The following VAV3 variants were observed in gnomAD, a reference collection of about 807,000 sequenced individuals.
VAV3 encodes the protein guanine nucleotide exchange factor VAV3.
In VAV3, 94 loss-of-function variants were observed where a neutral mutation model predicts 131.2. The observed-to-expected ratio is 0.72, with a 90% CI of 0.61 to 0.85. The LOEUF (loss-of-function observed/expected upper bound fraction) is 0.85, where lower values mean the gene tolerates loss of function less well. VAV3 is among the 40% of genes least tolerant of loss of function. The pLI, the probability that VAV3 is intolerant of heterozygous loss-of-function variation, is 0.00. For missense variants in VAV3, 939 were observed against 1,002.7 expected (o/e 0.94, Z 0.86); for synonymous variants, 349 against 342.0 (o/e 1.02, Z -0.22).
chr1:107,889,654 C>T (rs1671221699), intron 1 of VAV3, among the ~76,000 whole-genome samples: 1 of 152,194 alleles, frequency 6.6e-6, no homozygotes, highest in Non-Finnish European at 1.5e-5. Flanking sequence ...CCACATCTGC[C>T]TTACAAGAGT....
Position 107,749,481 on chromosome 1 carries a change from G to T in VAV3, c.1373C>A (p.Thr458Asn), listed in dbSNP as rs779951393. The T allele has an allele frequency of 6.2e-7, 1 of 1,601,376 alleles. No homozygotes were observed. Among genetic ancestry groups the T allele is most frequent in the African/African-American group, 1.3e-5 (1 of 74,086 alleles). The part of the protein sequence containing the change: ...QQYKIANNPT[T>N]DKENKKWSYG... ...AGTCACCTTTTTGTTTTCTTTATCG[G>T]TTGTAGGATTATTGGCTATCTTGTA... The change falls in exon 14 of 27, where the codon ACC (threonine) becomes AAC (asparagine). Residue 458 changes from threonine to asparagine, a missense_variant. Thr to Asn is a moderately conservative substitution (Grantham distance 65). Transcript: ENST00000370056.
At chr1:107,687,492 T>A (rs1171082304) in intron 18 of VAV3, among the ~76,000 whole-genome samples, 7 of 152,200 alleles carry the variant, frequency 4.6e-5, no homozygotes, top group Non-Finnish European at 1.5e-5. Context: ...TTGGTTCATA[T>A]AACTAATCAC....
chr1:107,772,634 G>C (rs7416884), intron 5 of VAV3, 101 bp downstream of exon 5: 317,613 of 982,938 alleles, frequency 0.32, 55,513 homozygotes, highest in Non-Finnish European at 0.36. Context: ...AGCAAGCAAA[G>C]GTTAAAAAAA....
chr1:107,625,727 T>C (rs1653968228), intron 20 of VAV3, among the ~76,000 whole-genome samples: 1 of 152,222 alleles, frequency 6.6e-6, no homozygotes, highest in Non-Finnish European at 1.5e-5. Context: ...ATTCAAATTA[T>C]CATGAATAAT....
At chr1:107,779,632 G>T in intron 2 of VAV3, 140 bp from the exon 3 acceptor site, 1 of 467,454 alleles carries the variant, frequency 2.1e-6, no homozygotes, top group Non-Finnish European at 3.6e-6. Flanking sequence ...AGAATGAGAA[G>T]GGCTGTGATT....
At chr1:107,954,769 G>C (rs1005875965) in intron 1 of VAV3, among the ~76,000 whole-genome samples, 3 of 149,964 alleles carry the variant, frequency 2.0e-5, no homozygotes, top group African/African-American at 5.0e-5. Flanking sequence ...TACCATGGGA[G>C]GGGGGGAAAT....
At chr1:107,893,867 T>C (rs981798727) in intron 1 of VAV3, among the ~76,000 whole-genome samples, 9 of 152,234 alleles carry the variant, frequency 5.9e-5, no homozygotes, top group African/African-American at 2.2e-4. Flanking sequence ...GGGTAGGCTA[T>C]TATGTTCATG....
At chr1:107,790,699 T>C (rs1174384242) in intron 2 of VAV3, among the ~76,000 whole-genome samples, 2 of 145,476 alleles carry the variant, frequency 1.4e-5, no homozygotes, top group African/African-American at 5.1e-5. Context: ...TTTTTTTTTT[T>C]TTTTTTGAGA....
chr1:107,815,362 G>A (rs1667521239), intron 2 of VAV3, among the ~76,000 whole-genome samples: 1 of 152,210 alleles, frequency 6.6e-6, no homozygotes. Context: ...GCAACTGGCA[G>A]CAGCAGCTAA....
intron 19 of VAV3, among the ~76,000 whole-genome samples, chr1:107,673,975 TAA>T (rs1289229273): frequency 6.6e-6 from 1 of 152,218 alleles, no homozygotes; most frequent in Non-Finnish European, 1.5e-5. Flanking sequence ...TGTCATTTTT[TAA>T]AAAGTGTATG....
In VAV3 at chr1:107,948,321, T is replaced by TAA. The variant is rs35975364; in HGVS notation, c.204+16343_204+16344dup. Among the ~76,000 whole-genome samples, 589 of 150,126 alleles carry TAA rather than the reference T, an allele frequency of 3.9e-3. 7 individuals carry two copies. Among genetic ancestry groups the TAA allele is most frequent in the South Asian group, 0.02 (94 of 4,780 alleles). ...AATTCTGAAGTACTTCCTGATATTG[T>TAA]AAAAAAAAAAATTGTAAGAGAATAA... On this transcript the variant is annotated intron_variant, in intron 1 of 26. Coordinates refer to ENST00000370056, the MANE Select transcript of VAV3 (RefSeq NM_006113.5).
chr1:107,917,247 G>A (rs951610579), intron 1 of VAV3, among the ~76,000 whole-genome samples: 2 of 152,144 alleles, frequency 1.3e-5, no homozygotes, highest in Non-Finnish European at 2.9e-5. Flanking sequence ...TAGTGAGGCA[G>A]CTGAAAAGCA....
chr1:107,850,410 T>C (rs146003341), intron 2 of VAV3, among the ~76,000 whole-genome samples: 2,105 of 152,322 alleles, frequency 0.014, 21 homozygotes, highest in Middle Eastern at 0.02. Context: ...AATGAGTTCA[T>C]GTCCTTTGCA....
At chr1:107,713,371 A>G (rs376575240) in intron 15 of VAV3, among the ~76,000 whole-genome samples, 344 of 152,208 alleles carry the variant, frequency 2.3e-3, no homozygotes, top group East Asian at 8.1e-3. Context: ...TTAAATAAAA[A>G]AAACACATAA....
intron 24 of VAV3, 85 bp from the exon 25 acceptor site, chr1:107,596,426 A>C: frequency 7.0e-7 from 1 of 1,438,450 alleles, no homozygotes; most frequent in South Asian, 1.3e-5. Context: ...AAATACAATA[A>C]GGATGACCAA....
chr1:107,900,536 T>A (rs2101086935), intron 1 of VAV3, among the ~76,000 whole-genome samples: 1 of 152,252 alleles, frequency 6.6e-6, no homozygotes, highest in South Asian at 2.1e-4. Flanking sequence ...ATCAGACCCA[T>A]ATTCAATCCA....
intron 19 of VAV3, among the ~76,000 whole-genome samples, chr1:107,662,261 T>C (rs1417250401): frequency 6.6e-6 from 1 of 152,164 alleles, no homozygotes; most frequent in Non-Finnish European, 1.5e-5. Context: ...GTGATTAAAA[T>C]TGCATTTTAA....
chr1:107,619,633 AAAT>A (rs1362674815), intron 20 of VAV3, among the ~76,000 whole-genome samples: 26 of 152,322 alleles, frequency 1.7e-4, no homozygotes, highest in African/African-American at 6.0e-4. Flanking sequence ...TACATAAAGG[AAAT>A]AAGTCTATTT....
At chr1:107,806,158 G>A (rs534826919) in intron 2 of VAV3, among the ~76,000 whole-genome samples, 120 of 152,262 alleles carry the variant, frequency 7.9e-4, no homozygotes, top group Non-Finnish European at 9.1e-4. Flanking sequence ...AGGCCCTTGT[G>A]CTGCTTCCTA....
Sources: gnomAD v4.1 joint callset for allele counts (sites outside exome capture counted in the v4.1 genomes callset) on GRCh38, gnomAD v4.1.1 for gene constraint, MANE v1.5 for transcripts, NCBI Gene and HGNC (gene_info 2026-07-23, HGNC 2026-07-21) for gene names.